Variants in PCDHA2 observed in about 807,000 individuals in gnomAD.
PCDHA2 encodes the protein protocadherin alpha 2.
PCDHA2 carries 58 observed loss-of-function variants against 66.0 expected under a neutral mutation model. The ratio of observed to expected loss-of-function variants is 0.88; its 90% confidence interval spans 0.71 to 1.09. PCDHA2 has a LOEUF of 1.09. Ranked by LOEUF, PCDHA2 falls within the 50% of genes least tolerant of loss-of-function variation. The pLI, the probability that PCDHA2 is intolerant of heterozygous loss-of-function variation, is 0.00. For synonymous variants in PCDHA2, 634 were observed against 554.0 expected, an observed-to-expected ratio of 1.14 and a Z score of -2.03; for missense variants, 1,267 against 1,242.3, an observed-to-expected ratio of 1.02 and a Z score of -0.30.
chr5:140,854,743 GAT>G lies in PCDHA2; in HGVS notation c.2388+57396_2388+57397del, dbSNP rs1554147428. The G allele has an allele frequency of 2.0e-5, 3 of 149,440 alleles. 1 individual carries two copies. The highest frequency in any genetic ancestry group is 7.4e-5 in the African/African-American group (3 of 40,774). 9.3% of individuals were successfully genotyped at this position (149,440 alleles called of 1,614,324 possible). On this transcript the variant is annotated intron_variant, in intron 1 of 3. Coordinates refer to ENST00000526136, the MANE Select transcript of PCDHA2 (RefSeq NM_018905.3). ...AACTCAAGTTTTTTTCAGCAGCACAGATATATTACATTTTCATTCCTGAATAT... is the reference window on the plus strand; with the variant it reads ...AACTCAAGTTTTTTTCAGCAGCACAGATATTACATTTTCATTCCTGAATAT...
At chr5:140,847,461 C>T (rs1781028892) in intron 1 of PCDHA2, 1 of 149,664 alleles carries the variant, frequency 6.7e-6, no homozygotes, top group South Asian at 2.1e-4. Context: ...TTTAATTAAT[C>T]GACTTGGACG....
chr5:140,876,334 A>T (rs782377581), intron 1 of PCDHA2: 3 of 1,614,030 alleles, frequency 1.9e-6, no homozygotes, highest in Admixed American at 1.7e-5. Context: ...TTTGCCAGTG[A>T]GTGAGAAATG....
At chr5:140,809,620 A>ACG in intron 1 of PCDHA2, 1 of 1,511,684 alleles carries the variant, frequency 6.6e-7, no homozygotes, top group Non-Finnish European at 8.9e-7. Context: ...GTTTTTCTCT[A>ACG]TCAACTTCTT....
intron 1 of PCDHA2, chr5:140,853,528 C>A (rs75012399): frequency 0.045 from 43,855 of 978,338 alleles, 4,320 homozygotes; most frequent in Non-Finnish European, 0.05. Flanking sequence ...CCTCCTATGT[C>A]TCTTTTCAAG....
At chr5:140,838,675 C>A (rs1006431084) in intron 1 of PCDHA2, among the ~76,000 whole-genome samples, 8 of 152,016 alleles carry the variant, frequency 5.3e-5, no homozygotes, top group Admixed American at 1.3e-4. Flanking sequence ...GTGGCACACA[C>A]CTTTAACCCC....
At chr5:140,826,295 T>C (rs936001981) in intron 1 of PCDHA2, among the ~76,000 whole-genome samples, 18 of 152,306 alleles carry the variant, frequency 1.2e-4, no homozygotes, top group African/African-American at 4.1e-4. Context: ...GTCTTTTTTA[T>C]AGGAACCTCT....
chr5:140,828,276 G>A (rs2150153517), intron 1 of PCDHA2: 50 of 1,613,972 alleles, frequency 3.1e-5, no homozygotes, highest in Non-Finnish European at 3.7e-5. Flanking sequence ...CTGGTGCCGC[G>A]CCTGTTCAGG....
chr5:140,994,102 A>G (rs2097596379), intron 3 of PCDHA2, among the ~76,000 whole-genome samples: 1 of 152,194 alleles, frequency 6.6e-6, no homozygotes, highest in African/African-American at 2.4e-5. Context: ...TGATGGAAAT[A>G]TTACATTGTC....
At chr5:140,877,390 G>C in intron 1 of PCDHA2, 1 of 1,613,986 alleles carries the variant, frequency 6.2e-7, no homozygotes, top group Non-Finnish European at 8.5e-7. Flanking sequence ...CCTGGATGAG[G>C]CGGACGCTCC....
chr5:140,802,635 C>A, intron 1 of PCDHA2: 11 of 1,613,810 alleles, frequency 6.8e-6, no homozygotes, highest in Non-Finnish European at 9.3e-6. Flanking sequence ...GGTGTCTGCG[C>A]GGGACGCGGA....
intron 1 of PCDHA2, chr5:140,858,722 C>T: frequency 2.0e-6 from 1 of 497,160 alleles, no homozygotes. Context: ...GGTTGCAGTT[C>T]TGACGATTTA....
rs782397943 is a variant in PCDHA2 at position 140,796,546 on chromosome 5, G to A, written c.1582G>A (p.Val528Met). 15 of 1,612,966 alleles carry A rather than the reference G, an allele frequency of 9.3e-6. No homozygotes were observed. Among genetic ancestry groups the A allele is most frequent in the Non-Finnish European group, 1.0e-5 (12 of 1,179,872 alleles). ...GCTGCAGCCGCTGGACCACGAGGAA[G>A]TGGAGCTGCTGCAGTTCCAGGTGAG... ...YALQPLDHEEVELLQFQVSAR... is the reference protein window; with the variant it reads ...YALQPLDHEEMELLQFQVSAR... Residue 528 changes from valine (V) to methionine (M), a missense_variant, in exon 1 of 4, where the codon GTG becomes ATG. Coordinates refer to ENST00000526136, the MANE Select transcript of PCDHA2 (RefSeq NM_018905.3).
chr5:140,879,310 T>A (rs541864795), intron 1 of PCDHA2, among the ~76,000 whole-genome samples: 1 of 152,296 alleles, frequency 6.6e-6, no homozygotes, highest in African/African-American at 2.4e-5. Context: ...AAAGTAGAAG[T>A]TGACTCTCAC....
At chr5:140,914,695 A>T (rs970720014) in intron 1 of PCDHA2, among the ~76,000 whole-genome samples, 1 of 151,978 alleles carries the variant, frequency 6.6e-6, no homozygotes, top group African/African-American at 2.4e-5. Context: ...CTCTGGTGGT[A>T]TGATTTAATT....
chr5:140,829,158 C>T, intron 1 of PCDHA2: 1 of 1,614,016 alleles, frequency 6.2e-7, no homozygotes, highest in East Asian at 2.2e-5. Flanking sequence ...ACTTCCTTAT[C>T]CTTGCCTGTA....
At chr5:140,969,459 G>A (rs1554231863) in intron 1 of PCDHA2, 1 of 1,503,404 alleles carries the variant, frequency 6.7e-7, no homozygotes, top group Non-Finnish European at 8.9e-7. Flanking sequence ...AGTATATATA[G>A]TATCCACAAT....
Position 140,842,897 on chromosome 5 carries a change from G to A in PCDHA2, c.2388+45545G>A. On this transcript the variant is annotated intron_variant, in intron 1 of 3. Transcript: ENST00000526136. ...GTACGCGCTGCAGCCGCTGGACCAC[G>A]AGGAGCTAGAGCTGCTGCAGTTCCA... The A allele has an allele frequency of 1.3e-6, 2 of 1,594,388 alleles. No homozygotes were observed. Among genetic ancestry groups the A allele is most frequent in the Non-Finnish European group, 1.7e-6 (2 of 1,165,484 alleles).
At chr5:140,938,041 G>T (rs2091894997) in intron 1 of PCDHA2, among the ~76,000 whole-genome samples, 1 of 151,764 alleles carries the variant, frequency 6.6e-6, no homozygotes, top group African/African-American at 2.4e-5. Flanking sequence ...TTTATATTTT[G>T]GGTTTTCTAC....
rs1554128830 is a variant in PCDHA2 at position 140,822,720 on chromosome 5, T to C, written c.2388+25368T>C. 3 of 1,612,092 alleles carry C rather than the reference T, an allele frequency of 1.9e-6. No individual in the cohort carries two copies. The South Asian group carries it at 3.3e-5, about 18-fold the overall frequency. On this transcript the variant is annotated intron_variant, in intron 1 of 3. Coordinates refer to ENST00000526136, the MANE Select transcript of PCDHA2 (RefSeq NM_018905.3). ...TGGATTATGAAGACTATAACTCATA[T>C]GAAATTAATATTGATGCCATGGATA...
Sources: allele counts gnomAD v4.1 joint callset (sites outside exome capture counted in the v4.1 genomes callset), GRCh38; gene constraint gnomAD v4.1.1; transcripts MANE v1.5; gene names NCBI Gene and HGNC (gene_info 2026-07-23, HGNC 2026-07-21).